Variants in ZBTB20 observed in about 807,000 individuals in gnomAD.
ZBTB20 encodes the protein zinc finger and BTB domain containing 20.
Under a neutral mutation model 56.9 loss-of-function variants are expected in ZBTB20, and 9 were observed. The observed-to-expected ratio is 0.16, with a 90% CI of 0.10 to 0.28. The LOEUF (loss-of-function observed/expected upper bound fraction) is 0.28, where lower values mean the gene tolerates loss of function less well. Among genes scored for constraint, ZBTB20 ranks in the 10% least tolerant of loss-of-function variants. The pLI, the probability that ZBTB20 is intolerant of heterozygous loss-of-function variation, is 1.00. For synonymous variants in ZBTB20, 417 were observed against 420.7 expected, an observed-to-expected ratio of 0.99 and a Z score of 0.11; for missense variants, 655 against 1,003.0, an observed-to-expected ratio of 0.65 and a Z score of 4.69.
At chr3:115,047,103 A>G (rs1321175260) in intron 2 of ZBTB20, among the ~76,000 whole-genome samples, 1 of 152,136 alleles carries the variant, frequency 6.6e-6, no homozygotes, top group Non-Finnish European at 1.5e-5. Flanking sequence ...CTCTGAACAT[A>G]TTTGTCATCA....
chr3:114,770,208 T>G (rs1374563789), intron 5 of ZBTB20, among the ~76,000 whole-genome samples: 1 of 148,836 alleles, frequency 6.7e-6, no homozygotes, highest in Admixed American at 6.7e-5. Flanking sequence ...AAGAACTTAC[T>G]CGTATAGATC....
intron 7 of ZBTB20, among the ~76,000 whole-genome samples, chr3:114,428,518 G>C (rs950157506): frequency 6.6e-6 from 1 of 152,184 alleles, no homozygotes; most frequent in African/African-American, 2.4e-5. Context: ...TGGTAGGTGG[G>C]GGGAATGACA....
At chr3:115,007,920 T>A (rs2079543907) in intron 2 of ZBTB20, among the ~76,000 whole-genome samples, 1 of 151,916 alleles carries the variant, frequency 6.6e-6, no homozygotes, top group Non-Finnish European at 1.5e-5. Context: ...GGCTTCATAC[T>A]TTTTGGCTCT....
chr3:114,606,803 A>AG (rs1226070219), intron 6 of ZBTB20, among the ~76,000 whole-genome samples: 1 of 152,156 alleles, frequency 6.6e-6, no homozygotes, highest in African/African-American at 2.4e-5. Flanking sequence ...ATTTAAAAAA[A>AG]ACATTTTTGC....
At chr3:114,553,962 T>G (rs1442191324) in intron 6 of ZBTB20, among the ~76,000 whole-genome samples, 1 of 152,158 alleles carries the variant, frequency 6.6e-6, no homozygotes, top group African/African-American at 2.4e-5. Flanking sequence ...AATGTACAGA[T>G]GAGCTTGTGA....
In ZBTB20 at chr3:114,649,525, G is replaced by C. The variant is rs567335256; in HGVS notation, c.-295+44003C>G. Among the ~76,000 whole-genome samples the C allele has an allele frequency of 2.0e-5, 3 of 151,938 alleles. No homozygotes were observed. The South Asian group carries it at 6.2e-4, about 31-fold the overall frequency. On this transcript the variant is annotated intron_variant, in intron 6 of 11. Transcript: ENST00000675478. Reference sequence around the variant, plus strand: ...TCAAGTCTCTGCTTTGTGACTCATGGGTGTACTTCATCAGGATGTACTTCC... The same window carrying C: ...TCAAGTCTCTGCTTTGTGACTCATGCGTGTACTTCATCAGGATGTACTTCC...
intron 4 of ZBTB20, among the ~76,000 whole-genome samples, chr3:114,894,722 A>T (rs1439217214): frequency 6.6e-6 from 1 of 152,212 alleles, no homozygotes; most frequent in African/African-American, 2.4e-5. Context: ...GCTGGAACAG[A>T]TCCTTCCCTC....
At chr3:114,531,620 G>A (rs2047853332) in intron 6 of ZBTB20, among the ~76,000 whole-genome samples, 1 of 152,172 alleles carries the variant, frequency 6.6e-6, no homozygotes, top group South Asian at 2.1e-4. Flanking sequence ...TTTTTGGGGA[G>A]GGGAGAGAAG....
chr3:115,019,295 T>C (rs2080108881), intron 2 of ZBTB20, among the ~76,000 whole-genome samples: 1 of 151,068 alleles, frequency 6.6e-6, no homozygotes, highest in Non-Finnish European at 1.5e-5. Flanking sequence ...TATTCAGGGG[T>C]TGTTTTGAGG....
intron 6 of ZBTB20, among the ~76,000 whole-genome samples, chr3:114,584,164 A>C (rs1237402804): frequency 1.3e-5 from 2 of 152,356 alleles, no homozygotes; most frequent in East Asian, 1.9e-4. Flanking sequence ...TAAGCAAATA[A>C]ATAAATATTA....
intron 3 of ZBTB20, among the ~76,000 whole-genome samples, chr3:114,934,165 A>C (rs2076452902): frequency 6.6e-6 from 1 of 152,084 alleles, no homozygotes; most frequent in South Asian, 2.1e-4. Flanking sequence ...GAAACCCTAC[A>C]CCTATGGATC....
At chr3:114,817,520 AAAAT>A (rs35530713) in intron 4 of ZBTB20, among the ~76,000 whole-genome samples, 93,974 of 142,896 alleles carry the variant, frequency 0.66, 32,251 homozygotes, top group Non-Finnish European at 0.76. Context: ...CTCTGTCTCA[AAAAT>A]AAATAAATAA....
At chr3:114,548,154 C>G (rs904860961) in intron 6 of ZBTB20, among the ~76,000 whole-genome samples, 1 of 152,240 alleles carries the variant, frequency 6.6e-6, no homozygotes, top group African/African-American at 2.4e-5. Flanking sequence ...CTGCCTCACT[C>G]AGATTAGCCT....
rs192966881 is a variant in ZBTB20, at chr3:115,053,543, C to A, written c.-507+17676G>T. 2.6e-3 allele frequency among the ~76,000 whole-genome samples: 388 copies of A among 152,116 alleles called. 2 individuals are homozygous for A. Among genetic ancestry groups the A allele is most frequent in the African/African-American group, 9.2e-3 (380 of 41,518 alleles). On this transcript the variant is annotated intron_variant, in intron 2 of 11. Coordinates refer to ENST00000675478, the MANE Select transcript of ZBTB20 (RefSeq NM_001348800.3). The stretch of plus-strand genomic sequence containing the variant: ...AAGTGGAATAGTGAGAGTACTTGCT[C>A]AATAATTTGATAAAAATTTCTTTTT...
At chr3:114,882,703 A>G (rs1171585524) in intron 4 of ZBTB20, among the ~76,000 whole-genome samples, 1 of 152,114 alleles carries the variant, frequency 6.6e-6, no homozygotes, top group Non-Finnish European at 1.5e-5. Context: ...GTACAAATGT[A>G]TTTGAACAGT....
intron 7 of ZBTB20, among the ~76,000 whole-genome samples, chr3:114,424,532 G>A (rs2089475158): frequency 6.6e-6 from 1 of 152,174 alleles, no homozygotes; most frequent in Non-Finnish European, 1.5e-5. Context: ...TGCTTTGAAA[G>A]TTGCTATTCT....
intron 3 of ZBTB20, among the ~76,000 whole-genome samples, chr3:114,947,225 A>G (rs2076915885): frequency 6.8e-6 from 1 of 146,256 alleles, no homozygotes; most frequent in African/African-American, 2.8e-5. Flanking sequence ...GTAAATTACT[A>G]CAATCACTAT....
chr3:114,988,108 T>TTTC (rs2078627557), intron 2 of ZBTB20, among the ~76,000 whole-genome samples: 1 of 144,980 alleles, frequency 6.9e-6, no homozygotes, highest in African/African-American at 2.7e-5. Context: ...TTTTTTTTTT[T>TTTC]AATTATGCTT....
intron 11 of ZBTB20, among the ~76,000 whole-genome samples, chr3:114,348,683 C>T (rs975903168): frequency 1.3e-5 from 2 of 152,194 alleles, no homozygotes; most frequent in Non-Finnish European, 2.9e-5. Context: ...TCTTAAGCAA[C>T]GTTCTGTTTC....
Sources: gnomAD v4.1 joint callset for allele counts (sites outside exome capture counted in the v4.1 genomes callset) on GRCh38, gnomAD v4.1.1 for gene constraint, MANE v1.5 for transcripts, NCBI Gene and HGNC (gene_info 2026-07-23, HGNC 2026-07-21) for gene names.